The following ZNF248 variants were observed in gnomAD, a reference collection of about 807,000 sequenced individuals.
ZNF248 encodes the protein zinc finger protein 248.
In ZNF248, 20 loss-of-function variants were observed where a neutral mutation model predicts 44.3. That is an observed-to-expected ratio of 0.45 (90% CI 0.32 to 0.66). ZNF248 has a LOEUF of 0.66. Among genes scored for constraint, ZNF248 ranks in the 30% least tolerant of loss-of-function variants. The pLI is 0.04. For missense variants in ZNF248, 654 were observed against 677.0 expected (o/e 0.97, Z 0.38); for synonymous variants, 224 against 229.0 (o/e 0.98, Z 0.20).
chr10:37,839,129 C>T (rs879130965), intron 3 of ZNF248, among the ~76,000 whole-genome samples: 1 of 152,144 alleles, frequency 6.6e-6, no homozygotes, highest in Admixed American at 6.5e-5. Flanking sequence ...AATTTTGGTA[C>T]ATGATAGGCA....
At position 37,829,801 on chromosome 10, in the gene ZNF248, C is replaced by T; in HGVS notation, c.*1814G>A. On this transcript the variant is annotated 3_prime_UTR_variant, in exon 6 of 6. Transcript: ENST00000395867. ...ATCAAGGAGATCTTTCCCAGAAGTA[C>T]TACACAATACTTCCCAAACATCTCA... is the stretch of plus-strand genomic sequence containing the variant. 1.0e-6 allele frequency: 1 copy of T among 985,300 alleles called. No homozygotes were observed. Among genetic ancestry groups the T allele is most frequent in the East Asian group, 1.1e-4 (1 of 8,822 alleles). The allele number at this position is 985,300 out of a possible 1,614,324, so 61.0% of individuals were successfully genotyped here. A position where few individuals can be genotyped will look rare whatever the true frequency, so the allele number is the denominator to read the frequency against.
At chr10:37,838,762 C>T (rs1223577967) in intron 3 of ZNF248, among the ~76,000 whole-genome samples, 1 of 149,028 alleles carries the variant, frequency 6.7e-6, no homozygotes, top group African/African-American at 2.5e-5. Context: ...AAAAAAAAAG[C>T]AAACTCACAG....
At chr10:37,769,510 A>G in the ZNF248 span, among the ~76,000 whole-genome samples, 1 of 152,240 alleles carries the variant, frequency 6.6e-6, no homozygotes, top group African/African-American at 2.4e-5. Flanking sequence ...AAACAGAACC[A>G]ATGACAAAAA....
At chr10:37,833,430 T>C (rs1564585397) in intron 5 of ZNF248, among the ~76,000 whole-genome samples, 1 of 152,018 alleles carries the variant, frequency 6.6e-6, no homozygotes, top group Non-Finnish European at 1.5e-5. Context: ...GATTCAGAAA[T>C]AGAAAAACTC....
At chr10:37,785,439 C>T (rs2047773528) in intron 6 of ZNF248, among the ~76,000 whole-genome samples, 1 of 152,106 alleles carries the variant, frequency 6.6e-6, no homozygotes, top group East Asian at 1.9e-4. Context: ...GTTTATTGTG[C>T]AACAAAAATG....
the ZNF248 span, among the ~76,000 whole-genome samples, chr10:37,764,242 A>C: frequency 2.0e-5 from 3 of 152,176 alleles, no homozygotes; most frequent in African/African-American, 4.8e-5. Context: ...TCATGGTTGA[A>C]GATAAGGGAT....
At chr10:37,845,260 C>A (rs1478475576) in intron 3 of ZNF248, among the ~76,000 whole-genome samples, 1 of 151,892 alleles carries the variant, frequency 6.6e-6, no homozygotes, top group African/African-American at 2.4e-5. Flanking sequence ...TCAAGCGATT[C>A]ACCTGCCTTA....
At chr10:37,778,688 T>C (rs1432830565) in intron 6 of ZNF248, among the ~76,000 whole-genome samples, 2 of 152,166 alleles carry the variant, frequency 1.3e-5, no homozygotes, top group Non-Finnish European at 2.9e-5. Flanking sequence ...CTTTAATCCA[T>C]ATTGAATTGA....
intron 6 of ZNF248, among the ~76,000 whole-genome samples, chr10:37,778,061 T>C (rs2046809665): frequency 6.6e-6 from 1 of 152,188 alleles, no homozygotes; most frequent in Non-Finnish European, 1.5e-5. Context: ...AGTAATGGGA[T>C]GGCTGGGTCA....
rs2047924553 is a variant in ZNF248 at position 37,786,809 on chromosome 10, T to A, written c.331-10234A>T. On this transcript the variant is annotated intron_variant, in intron 6 of 6. Transcript: ENST00000615949. ...ATGAACTGAATAAAGAGGCATTCCA[T>A]GTTTATGGATTAAATAAGGCTGAAT... Among the ~76,000 whole-genome samples, 3 of 152,234 alleles carry A rather than the reference T, an allele frequency of 2.0e-5. No individual in the cohort carries two copies. The South Asian group carries it at 6.2e-4, about 31-fold the overall frequency.
rs977319072 is a variant in ZNF248 at position 37,856,179 on chromosome 10, T to C, written c.15+117A>G. On this transcript the variant is annotated intron_variant, in intron 3 of 5. Transcript: ENST00000395867. ...TTTTGGATTTGCTACTTCAGTTTTA[T>C]TTCCCTTAATGTCAATTTTTGCCTA... 17 of 1,188,582 alleles carry C rather than the reference T, an allele frequency of 1.4e-5. No homozygotes were observed. In the African/African-American group the frequency reaches 2.4e-4, roughly 17 times the overall value. 73.6% of individuals were successfully genotyped at this position (1,188,582 alleles called of 1,614,324 possible). A position where few individuals can be genotyped will look rare whatever the true frequency, so the allele number is the denominator to read the frequency against.
intron 6 of ZNF248, among the ~76,000 whole-genome samples, chr10:37,814,462 T>C (rs2133466466): frequency 6.6e-6 from 1 of 152,342 alleles, no homozygotes; most frequent in South Asian, 2.1e-4. Flanking sequence ...TCCCTGTGCA[T>C]TTACCTTTAT....
chr10:37,795,746 A>G (rs764445818), intron 6 of ZNF248: 13 of 152,232 alleles, frequency 8.5e-5, no homozygotes, highest in Non-Finnish European at 1.6e-4. Context: ...TTCTATTACT[A>G]ATCATTAATT....
At position 37,856,343 on chromosome 10, in the gene ZNF248, G is replaced by T. The variant is rs116129221; in HGVS notation, c.-27-6C>A. The T allele has an allele frequency of 2.0e-3, 3,285 of 1,613,162 alleles. 70 individuals are homozygous for T. The African/African-American group carries it at 0.039, about 19-fold the overall frequency. On this transcript the variant is annotated splice_region_variant and splice_polypyrimidine_tract_variant and intron_variant, in intron 2 of 5. Transcript: ENST00000395867. ...TCTTAGTGGAGGAAGGAGAGCTGAAGGATTAGAAAGGAAGAATGTCAGGAG... is the reference window on the plus strand; with the variant it reads ...TCTTAGTGGAGGAAGGAGAGCTGAATGATTAGAAAGGAAGAATGTCAGGAG...
At chr10:37,793,088 C>T (rs1377869050) in intron 6 of ZNF248, among the ~76,000 whole-genome samples, 3 of 152,058 alleles carry the variant, frequency 2.0e-5, no homozygotes, top group Non-Finnish European at 4.4e-5. Flanking sequence ...AATCCCAGCA[C>T]TTTGGGAGGC....
intron 6 of ZNF248, among the ~76,000 whole-genome samples, chr10:37,802,234 A>G (rs2049926209): frequency 6.6e-6 from 1 of 152,168 alleles, no homozygotes. Context: ...CTTGTTACTC[A>G]TGGAGAATGG....
At chr10:37,781,296 A>AT (rs1394783881) in intron 6 of ZNF248, among the ~76,000 whole-genome samples, 1 of 152,148 alleles carries the variant, frequency 6.6e-6, no homozygotes, top group Admixed American at 6.5e-5. Flanking sequence ...AGAGGTAAGC[A>AT]TACTGGACTA....
At chr10:37,788,367 T>C (rs1379663053) in intron 6 of ZNF248, among the ~76,000 whole-genome samples, 1 of 151,154 alleles carries the variant, frequency 6.6e-6, no homozygotes, top group African/African-American at 2.4e-5. Flanking sequence ...ACACCTGTAA[T>C]CCCAGCACTT....
intron 3 of ZNF248, among the ~76,000 whole-genome samples, chr10:37,847,736 A>C (rs1245023410): frequency 6.6e-6 from 1 of 151,334 alleles, no homozygotes; most frequent in Non-Finnish European, 1.5e-5. Context: ...GTTTACAAAA[A>C]AAAATTATCT....
Sources: gnomAD v4.1 joint callset for allele counts (sites outside exome capture counted in the v4.1 genomes callset) on GRCh38, gnomAD v4.1.1 for gene constraint, MANE v1.5 for transcripts, NCBI Gene and HGNC (gene_info 2026-07-23, HGNC 2026-07-21) for gene names.